Variants in MYO10 observed in about 807,000 individuals in gnomAD.
MYO10 encodes the protein unconventional myosin-X.
In MYO10, 133 loss-of-function variants were observed where a neutral mutation model predicts 257.3. That is an observed-to-expected ratio of 0.52 (90% CI 0.45 to 0.60). The LOEUF is 0.60. MYO10 is among the 20% of genes least tolerant of loss of function. MYO10 has a pLI of 0.00. For synonymous variants in MYO10, 1,104 were observed against 1,028.6 expected (o/e 1.07, Z -1.40); for missense variants, 2,399 against 2,635.7 (o/e 0.91, Z 1.97).
intron 28 of MYO10, among the ~76,000 whole-genome samples, 165 bp downstream of exon 28, chr5:16,689,659 T>C (rs2126519260): frequency 6.6e-6 from 1 of 150,564 alleles, no homozygotes; most frequent in East Asian, 2.0e-4. Flanking sequence ...AGGGAAAGAT[T>C]CCCCAAGGGA....
chr5:16,741,626 T>C (rs938300728), intron 19 of MYO10, among the ~76,000 whole-genome samples: 4 of 152,234 alleles, frequency 2.6e-5, no homozygotes, highest in African/African-American at 9.6e-5. Context: ...AAAAAAAATT[T>C]GTAGTTCAAA....
intron 2 of MYO10, among the ~76,000 whole-genome samples, 181 bp from the exon 3 acceptor site, chr5:16,818,348 CTGTG>C (rs1376488206): frequency 6.9e-6 from 1 of 145,584 alleles, no homozygotes; most frequent in Non-Finnish European, 1.5e-5. Context: ...CTCTCTCTCT[CTGTG>C]TGTGTATGTA....
intron 1 of MYO10, among the ~76,000 whole-genome samples, chr5:16,879,525 T>G (rs1443617353): frequency 6.6e-6 from 1 of 152,174 alleles, no homozygotes; most frequent in African/African-American, 2.4e-5. Context: ...ACTAACCTTC[T>G]GTAAACTAGG....
At chr5:16,681,776 G>A in intron 31 of MYO10, 95 bp downstream of exon 31, 1 of 1,412,528 alleles carries the variant, frequency 7.1e-7, no homozygotes, top group Non-Finnish European at 9.6e-7. Context: ...AAATGACTGG[G>A]AAAAGCAGCT....
chr5:16,732,052 G>A (rs538768991), intron 19 of MYO10, among the ~76,000 whole-genome samples: 5 of 152,240 alleles, frequency 3.3e-5, no homozygotes, highest in South Asian at 4.1e-4. Context: ...GAGCAGGTCC[G>A]TGCTCTCCTG....
chr5:16,727,845 G>A (rs1449157391), intron 19 of MYO10, among the ~76,000 whole-genome samples: 2 of 142,084 alleles, frequency 1.4e-5, no homozygotes, highest in African/African-American at 5.2e-5. Context: ...TAAAACTGGG[G>A]CACATACACT....
chr5:16,695,625 C>T (rs1737711356), intron 26 of MYO10, among the ~76,000 whole-genome samples: 1 of 152,072 alleles, frequency 6.6e-6, no homozygotes, highest in Non-Finnish European at 1.5e-5. Context: ...TTGCTATGCT[C>T]TTCAGGGAGG....
chr5:16,798,704 C>T (rs748243894), intron 3 of MYO10, among the ~76,000 whole-genome samples: 1 of 152,112 alleles, frequency 6.6e-6, no homozygotes, highest in Non-Finnish European at 1.5e-5. Flanking sequence ...TTTCTTTTTT[C>T]TGCTAAGTAT....
rs891599861 is a variant in MYO10 at position 16,936,204 on chromosome 5, G to C, written c.-396C>G. On this transcript the variant is annotated 5_prime_UTR_variant, in exon 1 of 41. Coordinates refer to ENST00000513610, the MANE Select transcript of MYO10 (RefSeq NM_012334.3). ...GGGCAGGAGGACAGCGGGCCGCAAA[G>C]TGAGCAGGAGCCGCGATCCCCGCGC... The C allele has an allele frequency of 4.5e-6, 1 of 220,124 alleles. No individual in the cohort carries two copies. The highest frequency in any genetic ancestry group is 9.0e-6 in the Non-Finnish European group (1 of 111,436). The allele number at this position is 220,124 out of a possible 1,614,324, so 13.6% of individuals were successfully genotyped here.
chr5:16,923,688 ACACACACT>A (rs1746053995), intron 1 of MYO10, among the ~76,000 whole-genome samples: 1 of 151,140 alleles, frequency 6.6e-6, no homozygotes, highest in Admixed American at 6.6e-5. Flanking sequence ...ACACACACAC[ACACACACT>A]CCCTAACATC....
At chr5:16,670,092 A>AT (rs1736371957) in intron 39 of MYO10, among the ~76,000 whole-genome samples, 1 of 152,238 alleles carries the variant, frequency 6.6e-6, no homozygotes, top group African/African-American at 2.4e-5. Flanking sequence ...TACTGGGTTG[A>AT]TGCCAATGGC....
rs544609371 is a variant in MYO10 at position 16,882,386 on chromosome 5, T to C, written c.22-4679A>G. Among the ~76,000 whole-genome samples the C allele has an allele frequency of 4.9e-4, 74 of 152,290 alleles. 1 individual carries two copies. The highest frequency in any genetic ancestry group is 1.8e-3 in the African/African-American group (74 of 41,584). On this transcript the variant is annotated intron_variant, in intron 1 of 40. Coordinates refer to ENST00000513610, the MANE Select transcript of MYO10 (RefSeq NM_012334.3). Reference sequence around the variant, plus strand: ...TAAAAAGCTAAACATAATCTTATCATATATGTCCCAACAATTTAACTCCTA... The same window carrying C: ...TAAAAAGCTAAACATAATCTTATCACATATGTCCCAACAATTTAACTCCTA...
At position 16,702,952 on chromosome 5, in the gene MYO10, T is replaced by C. The variant is rs1738153401; in HGVS notation, c.2483A>G (p.Glu828Gly). ...QEEKKKQEEE[E>G]KKKREEEERE... Reference sequence around the variant, plus strand: ...TTCTTCTTCCTCCCGTTTCTTCTTTTCTTCCTCTTCCTGTTTCTTCTTTTC... The same window carrying C: ...TTCTTCTTCCTCCCGTTTCTTCTTTCCTTCCTCTTCCTGTTTCTTCTTTTC... Residue 828 changes from glutamate (E) to glycine (G), a missense_variant, in exon 23 of 41, where the codon GAA becomes GGA. Physicochemically the swap from Glu to Gly is moderately conservative, Grantham distance 98. Around this residue, in one of 3 missense-constraint regions of MYO10, gnomAD observed 1,820 missense variants for 1,939.4 expected, o/e 0.94. Transcript: ENST00000513610. 6.4e-7 allele frequency: 1 copy of C among 1,551,832 alleles called. No individual in the cohort carries two copies. Among genetic ancestry groups the C allele is most frequent in the South Asian group, 1.2e-5 (1 of 84,048 alleles).
At chr5:16,767,167 C>CTTT (rs35242676) in intron 10 of MYO10, among the ~76,000 whole-genome samples, 5 of 105,316 alleles carry the variant, frequency 4.7e-5, no homozygotes, top group Admixed American at 2.1e-4. Flanking sequence ...ACCCAACTGT[C>CTTT]TTTTTTTTTT....
intron 1 of MYO10, among the ~76,000 whole-genome samples, chr5:16,923,968 T>C (rs1746062470): frequency 6.6e-6 from 1 of 152,054 alleles, no homozygotes; most frequent in African/African-American, 2.4e-5. Context: ...CACAGGCCTG[T>C]GGTCCCAGCT....
intron 3 of MYO10, among the ~76,000 whole-genome samples, chr5:16,801,886 T>C (rs1043323900): frequency 1.3e-5 from 2 of 152,192 alleles, no homozygotes; most frequent in Non-Finnish European, 2.9e-5. Context: ...CCCATGTGTC[T>C]GCCAATAAAT....
At chr5:16,771,486 C>T (rs748910088) in intron 9 of MYO10, among the ~76,000 whole-genome samples, 2 of 150,598 alleles carry the variant, frequency 1.3e-5, no homozygotes, top group African/African-American at 2.4e-5. Context: ...TTCTCAGGGT[C>T]GCACAACCAA....
intron 1 of MYO10, among the ~76,000 whole-genome samples, chr5:16,893,009 C>G (rs910850348): frequency 6.6e-6 from 1 of 151,842 alleles, no homozygotes; most frequent in Non-Finnish European, 1.5e-5. Flanking sequence ...TCCTGGCTAA[C>G]ACGGTGAAGC....
chr5:16,721,556 C>T (rs1280454315), intron 19 of MYO10, among the ~76,000 whole-genome samples: 1 of 152,150 alleles, frequency 6.6e-6, no homozygotes, highest in East Asian at 1.9e-4. Flanking sequence ...AAGAGGCAAC[C>T]CCCGCAGGTG....
Sources: gnomAD v4.1 joint callset for allele counts (sites outside exome capture counted in the v4.1 genomes callset) on GRCh38, gnomAD v4.1.1 for gene constraint, gnomAD v4.1.1 regional missense constraint, MANE v1.5 for transcripts, NCBI Gene and HGNC (gene_info 2026-07-23, HGNC 2026-07-21) for gene names.